Variants in FANCB observed in about 807,000 individuals in gnomAD.
The protein encoded by FANCB is Fanconi anemia group B protein.
FANCB carries 5 observed loss-of-function variants against 38.9 expected under a neutral mutation model. The ratio of observed to expected loss-of-function variants is 0.13; its 90% CI spans 0.07 to 0.27. FANCB has a LOEUF of 0.27. Ranked by LOEUF, FANCB falls within the 10% of genes least tolerant of loss-of-function variation. FANCB has a pLI of 1.00. For synonymous variants in FANCB, 236 were observed against 215.4 expected, an observed-to-expected ratio of 1.10 and a Z score of -0.84; for missense variants, 573 against 602.7, an observed-to-expected ratio of 0.95 and a Z score of 0.52.
Position 14,865,143 on chromosome X carries a change from C to T in FANCB, c.368G>A (p.Ser123Asn). Reference protein sequence around the residue: ...HSTNKFEMRLSFKLGYEMKDG... With the variant: ...HSTNKFEMRLNFKLGYEMKDG... ...CTTCATCTCATAGCCTAGTTTAAAA[C>T]TCAAACGCATTTCAAATTTATTAGT... The change falls in exon 3 of 10, where the codon AGT (serine) becomes AAT (asparagine). Residue 123 changes from serine to asparagine, a missense_variant. By Grantham distance (46) the Ser-to-Asn change is conservative. Coordinates refer to ENST00000650831, the MANE Select transcript of FANCB (RefSeq NM_001018113.3). 8.3e-7 allele frequency: 1 copy of T among 1,199,165 alleles called. No homozygotes were observed. Among genetic ancestry groups the T allele is most frequent in the Non-Finnish European group, 1.1e-6 (1 of 889,856 alleles).
chrX:14,851,301 C>T (rs752367458), intron 6 of FANCB, among the ~76,000 whole-genome samples: 3 of 111,805 alleles, frequency 2.7e-5, no homozygotes, highest in Non-Finnish European at 5.6e-5. Flanking sequence ...CACAATAACC[C>T]TAGTGCCCTA....
At chrX:14,855,308 T>C (rs1378720817) in intron 5 of FANCB, among the ~76,000 whole-genome samples, 1 of 112,225 alleles carries the variant, frequency 8.9e-6, no homozygotes, top group East Asian at 2.8e-4. Context: ...TGTTACGTCA[T>C]GTGCAAAATG....
the FANCB span, among the ~76,000 whole-genome samples, chrX:14,751,906 T>C: frequency 8.9e-6 from 1 of 111,905 alleles, no homozygotes; most frequent in Non-Finnish European, 1.9e-5. Context: ...CTGGCATTCT[T>C]ATTTGGGCTA....
At chrX:14,805,886 G>C in the FANCB span, among the ~76,000 whole-genome samples, 17 of 111,941 alleles carry the variant, frequency 1.5e-4, no homozygotes, top group African/African-American at 5.5e-4. Context: ...AGCTACTCCT[G>C]CCCACAAGGA....
the FANCB span, among the ~76,000 whole-genome samples, chrX:14,751,880 C>CT: frequency 8.9e-6 from 1 of 111,758 alleles, no homozygotes; most frequent in East Asian, 2.8e-4. Flanking sequence ...GTCCAGGTCA[C>CT]TTTTTTCACA....
the FANCB span, among the ~76,000 whole-genome samples, chrX:14,697,833 G>A: frequency 8.9e-6 from 1 of 112,063 alleles, no homozygotes; most frequent in African/African-American, 3.2e-5. Flanking sequence ...GCATCTGAAT[G>A]CTCATAATTG....
the FANCB span, among the ~76,000 whole-genome samples, chrX:14,745,391 A>G: frequency 3.2e-3 from 353 of 111,394 alleles, 1 homozygote; most frequent in African/African-American, 0.01. Flanking sequence ...TTAGTTGGTT[A>G]TTTCTTATTA....
At chrX:14,738,731 C>T in the FANCB span, among the ~76,000 whole-genome samples, 1 of 111,772 alleles carries the variant, frequency 8.9e-6, no homozygotes, top group African/African-American at 3.3e-5. Flanking sequence ...ATAACTTGGC[C>T]CTAAACCGAT....
At chrX:14,702,133 A>T in the FANCB span, among the ~76,000 whole-genome samples, 1 of 111,983 alleles carries the variant, frequency 8.9e-6, no homozygotes, top group Non-Finnish European at 1.9e-5. Context: ...TTCAGATGTT[A>T]GAAACGACAT....
chrX:14,791,641 C>A, the FANCB span, among the ~76,000 whole-genome samples: 1 of 112,004 alleles, frequency 8.9e-6, no homozygotes, highest in Non-Finnish European at 1.9e-5. Context: ...GACACAAGCA[C>A]TAAAGACATC....
chrX:14,717,840 AATC>A, the FANCB span, among the ~76,000 whole-genome samples: 1 of 110,536 alleles, frequency 9.0e-6, no homozygotes, highest in Non-Finnish European at 1.9e-5. Flanking sequence ...ATTTCAAAGA[AATC>A]ATCCACTGAT....
the FANCB span, among the ~76,000 whole-genome samples, chrX:14,699,820 C>T: frequency 9.0e-6 from 1 of 111,729 alleles, no homozygotes; most frequent in East Asian, 2.8e-4. Flanking sequence ...GAGATCACGT[C>T]CTTTGCAGGG....
chrX:14,808,616 G>A, the FANCB span, among the ~76,000 whole-genome samples: 1 of 112,182 alleles, frequency 8.9e-6, no homozygotes, highest in Non-Finnish European at 1.9e-5. Flanking sequence ...CATACTGAAT[G>A]GGGAAAAACT....
chrX:14,863,194 CAAT>C (rs759735684), intron 3 of FANCB, among the ~76,000 whole-genome samples: 2 of 112,036 alleles, frequency 1.8e-5, no homozygotes, highest in East Asian at 5.6e-4. Context: ...CCCACACAAA[CAAT>C]AATGATTCAC....
chrX:14,714,527 G>A, the FANCB span, among the ~76,000 whole-genome samples: 5 of 111,608 alleles, frequency 4.5e-5, no homozygotes, highest in African/African-American at 1.6e-4. Flanking sequence ...TCCCTATGCC[G>A]CCACCCCAGC....
At chrX:14,737,348 A>G in the FANCB span, among the ~76,000 whole-genome samples, 1 of 112,440 alleles carries the variant, frequency 8.9e-6, no homozygotes, top group Non-Finnish European at 1.9e-5. Flanking sequence ...TTAACCAAAG[A>G]TATTAATCAG....
At chrX:14,838,196 A>G (rs1023476974) in intron 10 of FANCB, among the ~76,000 whole-genome samples, 1 of 112,322 alleles carries the variant, frequency 8.9e-6, no homozygotes, top group Non-Finnish European at 1.9e-5. Flanking sequence ...TAATCAATAA[A>G]TATTCACTAT....
chrX:14,703,142 A>C, the FANCB span, among the ~76,000 whole-genome samples: 1 of 111,800 alleles, frequency 8.9e-6, no homozygotes, highest in African/African-American at 3.3e-5. Context: ...AAAATAATGG[A>C]ATGTGTAAAA....
chrX:14,872,635 G>GCCCCCCCCCCC (rs199639756), intron 1 of FANCB, among the ~76,000 whole-genome samples: 1 of 72,600 alleles, frequency 1.4e-5, no homozygotes, highest in Non-Finnish European at 2.6e-5. Context: ...TGGTAAAACC[G>GCCCCCCCCCCC]CCCCCCCCAC....
Sources: gnomAD v4.1 joint callset for allele counts (sites outside exome capture counted in the v4.1 genomes callset) on GRCh38, gnomAD v4.1.1 for gene constraint, MANE v1.5 for transcripts, NCBI Gene and HGNC (gene_info 2026-07-23, HGNC 2026-07-21) for gene names.